CCDC50: variants seen among roughly 807,000 people sequenced by gnomAD.
CCDC50 encodes the protein coiled-coil domain-containing protein 50.
CCDC50 carries 54 observed loss-of-function variants against 70.2 expected under a neutral mutation model. The ratio of observed to expected loss-of-function variants is 0.77; its 90% CI spans 0.62 to 0.96. CCDC50 has a LOEUF of 0.96. Among genes scored for constraint, CCDC50 ranks in the 50% least tolerant of loss-of-function variants. The pLI is 0.00. For missense variants in CCDC50, 558 were observed against 578.7 expected (o/e 0.96, Z 0.37); for synonymous variants, 216 against 198.8 (o/e 1.09, Z -0.73).
intron 6 of CCDC50, among the ~76,000 whole-genome samples, chr3:191,379,734 T>C (rs1388491779): frequency 6.6e-6 from 1 of 152,148 alleles, no homozygotes; most frequent in African/African-American, 2.4e-5. Context: ...CTGAGATAAA[T>C]AGAAAGAAGC....
chr3:191,380,197 CCAT>C lies in CCDC50; in HGVS notation c.1018_1020del (p.Ser340del). 6.2e-7 allele frequency: 1 copy of C among 1,608,744 alleles called. No homozygotes were observed. The highest frequency in any genetic ancestry group is 8.5e-7 in the Non-Finnish European group (1 of 1,176,472). The stretch of plus-strand genomic sequence containing the variant: ...AGTGATGAAAGAAGCTGTATCTACT[CCAT>C]CACGAATGGCCCACAGGGATCAGGA... On this transcript the variant is annotated inframe_deletion, in exon 7 of 12. Transcript: ENST00000392455.
intron 1 of CCDC50, among the ~76,000 whole-genome samples, chr3:191,332,019 A>G (rs953834113): frequency 6.6e-6 from 1 of 152,182 alleles, no homozygotes; most frequent in African/African-American, 2.4e-5. Context: ...ATATGCAGTT[A>G]CAATTTATAT....
chr3:191,352,887 A>G (rs1247822172), intron 1 of CCDC50, among the ~76,000 whole-genome samples: 2 of 142,584 alleles, frequency 1.4e-5, no homozygotes, highest in Non-Finnish European at 3.2e-5. Flanking sequence ...TGCTGTCATA[A>G]TAGCAGAGTT....
intron 1 of CCDC50, among the ~76,000 whole-genome samples, chr3:191,349,063 A>G (rs1187836498): frequency 7.1e-6 from 1 of 141,436 alleles, no homozygotes; most frequent in Non-Finnish European, 1.6e-5. Flanking sequence ...AGCATCTCTA[A>G]GCTCCCTACT....
chr3:191,390,272 T>A (rs1293905347), intron 11 of CCDC50, among the ~76,000 whole-genome samples: 3 of 151,998 alleles, frequency 2.0e-5, no homozygotes, highest in African/African-American at 4.8e-5. Flanking sequence ...AAAATATGCA[T>A]GCACACCTCC....
In CCDC50 at chr3:191,398,511, T is replaced by G. The variant is rs1713933947; in HGVS notation, c.*6751T>G. The stretch of plus-strand genomic sequence containing the variant: ...GAAACTTACGAGAGTCTTATTATAA[T>G]TATTATTATTTACAAAATGACCCTA... On this transcript the variant is annotated 3_prime_UTR_variant, in exon 12 of 12. Coordinates refer to ENST00000392455, the MANE Select transcript of CCDC50 (RefSeq NM_178335.3). The G allele has an allele frequency of 6.6e-6, 1 of 152,200 alleles. No homozygotes were observed. Among genetic ancestry groups the G allele is most frequent in the Non-Finnish European group, 1.5e-5 (1 of 68,038 alleles). The allele number at this position is 152,200 out of a possible 1,614,324, so 9.4% of individuals were successfully genotyped here.
At chr3:191,349,733 A>G (rs56376956) in intron 1 of CCDC50, among the ~76,000 whole-genome samples, 45,937 of 140,202 alleles carry the variant, frequency 0.33, 12,501 homozygotes, top group East Asian at 0.71. Context: ...TACAATTAAG[A>G]AACTTTTTAT....
chr3:191,360,378 C>T (rs554146176), intron 3 of CCDC50, among the ~76,000 whole-genome samples: 15 of 152,320 alleles, frequency 9.8e-5, no homozygotes, highest in African/African-American at 3.1e-4. Flanking sequence ...GCCTTCTCTA[C>T]GGTGCTTCTA....
chr3:191,381,724 C>T (rs1713327829), intron 9 of CCDC50, among the ~76,000 whole-genome samples: 2 of 152,044 alleles, frequency 1.3e-5, no homozygotes, highest in Admixed American at 6.6e-5. Flanking sequence ...AGAATTCGTA[C>T]AATACAGGGT....
Position 191,329,576 on chromosome 3 carries a change from G to T in CCDC50, c.-99G>T. 1.6e-6 allele frequency: 2 copies of T among 1,279,844 alleles called. No homozygotes were observed. Among genetic ancestry groups the T allele is most frequent in the Non-Finnish European group, 2.2e-6 (2 of 929,698 alleles). The allele number at this position is 1,279,844 out of a possible 1,614,324, so 79.3% of individuals were successfully genotyped here. On this transcript the variant is annotated 5_prime_UTR_variant, in exon 1 of 12. Coordinates refer to ENST00000392455, the MANE Select transcript of CCDC50 (RefSeq NM_178335.3). ...CTGCGAGCCCTGCCGGCCGGACTTTGCGCCGCGTCCGGCGCTGCTGCTGCG... is the reference window on the plus strand; with the variant it reads ...CTGCGAGCCCTGCCGGCCGGACTTTTCGCCGCGTCCGGCGCTGCTGCTGCG...
At chr3:191,349,497 C>T (rs1712034384) in intron 1 of CCDC50, among the ~76,000 whole-genome samples, 1 of 141,222 alleles carries the variant, frequency 7.1e-6, no homozygotes, top group Non-Finnish European at 1.6e-5. Flanking sequence ...AGAGATTTCC[C>T]TTAGAATTTT....
rs957623518 is a variant in CCDC50, at chr3:191,329,663, C to T, written c.-12C>T. The T allele has an allele frequency of 3.7e-6, 6 of 1,607,286 alleles. No individual in the cohort carries two copies. The highest frequency in any genetic ancestry group is 2.5e-6 in the Non-Finnish European group (3 of 1,177,674). ...GCCCGCGTTAAAGGGGCAACCGGGA[C>T]CCTGGCCCGGTATGGCTGAAGTCAG... On this transcript the variant is annotated 5_prime_UTR_variant, in exon 1 of 12. Coordinates refer to ENST00000392455, the MANE Select transcript of CCDC50 (RefSeq NM_178335.3).
At chr3:191,386,051 A>G (rs75546555) in intron 10 of CCDC50, among the ~76,000 whole-genome samples, 9,046 of 152,066 alleles carry the variant, frequency 0.059, 484 homozygotes, top group East Asian at 0.25. Flanking sequence ...GAAGTCTGGT[A>G]ATGTCATGCC....
chr3:191,356,778 A>G (rs1248606176), intron 1 of CCDC50, among the ~76,000 whole-genome samples: 1 of 152,196 alleles, frequency 6.6e-6, no homozygotes, highest in South Asian at 2.1e-4. Context: ...CCCTCCATTT[A>G]TAGAAGTGGA....
In CCDC50 at chr3:191,354,472, A is replaced by G. The variant is rs1011468778; in HGVS notation, c.50-2616A>G. 5.3e-5 allele frequency among the ~76,000 whole-genome samples: 8 copies of G among 152,334 alleles called. No individual in the cohort carries two copies. In the East Asian group the frequency reaches 1.5e-3, roughly 29 times the overall value. The stretch of plus-strand genomic sequence containing the variant: ...ATTGTAGTTCTTCACATGATTCTCC[A>G]CATGGAAAAATGTAATAATTTCATA... On this transcript the variant is annotated intron_variant, in intron 1 of 11. Coordinates refer to ENST00000392455, the MANE Select transcript of CCDC50 (RefSeq NM_178335.3).
At position 191,395,404 on chromosome 3, in the gene CCDC50, T is replaced by C. The variant is rs767708315; in HGVS notation, c.*3644T>C. 1 of 152,206 alleles carries C rather than the reference T, an allele frequency of 6.6e-6. No homozygotes were observed. Among genetic ancestry groups the C allele is most frequent in the South Asian group, 2.1e-4 (1 of 4,836 alleles). 9.4% of individuals were successfully genotyped at this position (152,206 alleles called of 1,614,324 possible). On this transcript the variant is annotated 3_prime_UTR_variant, in exon 12 of 12. Transcript: ENST00000392455. ...GAAATACCCACTATAATATGGTGCA[T>C]TCAGTTTACTCCACAAGTGGTTAAC... is the stretch of plus-strand genomic sequence containing the variant.
intron 10 of CCDC50, among the ~76,000 whole-genome samples, chr3:191,383,504 AAAGT>A (rs1343493322): frequency 6.6e-6 from 1 of 152,150 alleles, no homozygotes; most frequent in African/African-American, 2.4e-5. Flanking sequence ...ACAAGACAAA[AAAGT>A]AACACTAAGT....
chr3:191,362,607 G>C (rs950795319), intron 4 of CCDC50, among the ~76,000 whole-genome samples: 1 of 152,178 alleles, frequency 6.6e-6, no homozygotes, highest in African/African-American at 2.4e-5. Context: ...ACACTTTCGA[G>C]GGTTATAAGC....
intron 1 of CCDC50, among the ~76,000 whole-genome samples, chr3:191,343,254 C>T (rs772051634): frequency 6.6e-6 from 1 of 152,064 alleles, no homozygotes; most frequent in Non-Finnish European, 1.5e-5. Context: ...ATTACAGGGG[C>T]GTAAACATAA....
Sources: gnomAD v4.1 joint callset for allele counts (sites outside exome capture counted in the v4.1 genomes callset) on GRCh38, gnomAD v4.1.1 for gene constraint, MANE v1.5 for transcripts, NCBI Gene and HGNC (gene_info 2026-07-23, HGNC 2026-07-21) for gene names.